The following RPTOR variants were observed in gnomAD, a reference collection of about 807,000 sequenced individuals.
The protein encoded by RPTOR is regulatory associated protein of MTOR complex 1, also known as regulatory-associated protein of mTOR.
In RPTOR, 21 loss-of-function variants were observed where a neutral mutation model predicts 169.9. The observed-to-expected ratio is 0.12, with a 90% CI of 0.09 to 0.18. The LOEUF (loss-of-function observed/expected upper bound fraction) is 0.18. Among genes scored for constraint, RPTOR ranks in the 10% least tolerant of loss-of-function variants. The pLI is 1.00. For missense variants in RPTOR, 1,133 were observed against 1,855.9 expected, an observed-to-expected ratio of 0.61 and a Z score of 7.16; for synonymous variants, 732 against 753.2, an observed-to-expected ratio of 0.97 and a Z score of 0.46.
chr17:80,821,636 G>T (rs2067379646), intron 7 of RPTOR, among the ~76,000 whole-genome samples: 1 of 152,148 alleles, frequency 6.6e-6, no homozygotes, highest in Non-Finnish European at 1.5e-5. Flanking sequence ...CACCTCTAAT[G>T]TGTGCTTGTT....
chr17:80,784,080 G>C (rs1055281825), intron 6 of RPTOR, among the ~76,000 whole-genome samples: 3 of 151,676 alleles, frequency 2.0e-5, no homozygotes, highest in African/African-American at 7.3e-5. Flanking sequence ...GAGCTCAAAC[G>C]ATCCTCCTGC....
rs267605090 is a variant in RPTOR, at chr17:80,957,691, C to T, written c.3438C>T (p.Ile1146=). The T allele has an allele frequency of 3.1e-6, 5 of 1,614,000 alleles. No homozygotes were observed. The highest frequency in any genetic ancestry group is 3.4e-6 in the Non-Finnish European group (4 of 1,180,036). The stretch of plus-strand genomic sequence containing the variant: ...TCATGAGCTCAGGAGACGTGCGGAT[C>T]GTCCGGATCTGGGACACAGACCGTG... ...GLLMSSGDVR[I]VRIWDTDREM... The change falls in exon 29 of 34, where the codon ATC becomes ATT. Residue 1146 remains isoleucine (I), a synonymous_variant. Coordinates refer to ENST00000306801, the MANE Select transcript of RPTOR (RefSeq NM_020761.3). This position sits in a 1 kb window ranked among gnomAD's most constrained non-coding sequence, Gnocchi z 4.6.
rs1433114683 is a variant in RPTOR, at chr17:80,965,203, T to C, written c.*873T>C. On this transcript the variant is annotated 3_prime_UTR_variant, in exon 34 of 34. Coordinates refer to ENST00000306801, the MANE Select transcript of RPTOR (RefSeq NM_020761.3). ...GCCCGACCTGTGGTCTCCATGCCTG[T>C]GCCCTCACACAGGTGTAGCACACGC... 4.3e-6 allele frequency: 1 copy of C among 233,202 alleles called. No homozygotes were observed. The highest frequency in any genetic ancestry group is 5.6e-5 in the Admixed American group (1 of 17,794). 14.4% of individuals were successfully genotyped at this position (233,202 alleles called of 1,614,324 possible). A position where few individuals can be genotyped will look rare whatever the true frequency, so the allele number is the denominator to read the frequency against.
intron 1 of RPTOR, among the ~76,000 whole-genome samples, chr17:80,604,794 C>G (rs2065216514): frequency 6.6e-6 from 1 of 152,170 alleles, no homozygotes; most frequent in Admixed American, 6.5e-5. Context: ...TATTCACCAT[C>G]ATGAGAACAG....
intron 3 of RPTOR, among the ~76,000 whole-genome samples, chr17:80,683,375 G>A (rs1055887077): frequency 1.3e-5 from 2 of 152,190 alleles, no homozygotes; most frequent in East Asian, 1.9e-4. Context: ...AGGTGCTGTC[G>A]GAGGTGCTGA....
chr17:80,831,521 CCTT>C (rs2067503028), intron 9 of RPTOR, among the ~76,000 whole-genome samples: 1 of 152,214 alleles, frequency 6.6e-6, no homozygotes, highest in Non-Finnish European at 1.5e-5. Context: ...AAACCCCAGG[CCTT>C]CTTAGATATG....
At chr17:80,658,387 T>C (rs749199393) in intron 3 of RPTOR, among the ~76,000 whole-genome samples, 20 of 152,230 alleles carry the variant, frequency 1.3e-4, no homozygotes, top group Non-Finnish European at 2.1e-4. Flanking sequence ...GAATTCTATG[T>C]CAACTTTTTT....
chr17:80,959,144 C>T lies in RPTOR; in HGVS notation c.3478-934C>T, dbSNP rs963513288. Among the ~76,000 whole-genome samples, 2 of 152,254 alleles carry T rather than the reference C, an allele frequency of 1.3e-5. No individual in the cohort carries two copies. Among genetic ancestry groups the T allele is most frequent in the Admixed American group, 1.3e-4 (2 of 15,288 alleles). ...AGCCCGAGAACCTGGCCCAGGCCTT[C>T]CCGTGTGGGCAGCCTCCCCTCTGAC... is the stretch of plus-strand genomic sequence containing the variant. On this transcript the variant is annotated intron_variant, in intron 29 of 33. Coordinates refer to ENST00000306801, the MANE Select transcript of RPTOR (RefSeq NM_020761.3). The surrounding 1 kb of genome is among the most constrained non-coding windows in gnomAD (Gnocchi z 6.7).
In RPTOR at chr17:80,964,293, A is replaced by G; in HGVS notation, c.3971A>G (p.Tyr1324Cys). 6.2e-7 allele frequency: 1 copy of G among 1,607,556 alleles called. No individual in the cohort carries two copies. Among genetic ancestry groups the G allele is most frequent in the Non-Finnish European group, 8.5e-7 (1 of 1,179,570 alleles). Reference sequence around the variant, plus strand: ...CTGGCCGTGGGAAGCAACGACTACTACATCTCCGTGTACTCGGTGGAGAAG... The same window carrying G: ...CTGGCCGTGGGAAGCAACGACTACTGCATCTCCGTGTACTCGGTGGAGAAG... ...PHLAVGSNDY[Y>C]ISVYSVEKRV... Residue 1324 changes from tyrosine (Y) to cysteine (C), a missense_variant, in exon 34 of 34, where the codon TAC becomes TGC. Physicochemically the swap from Tyr to Cys is radical, Grantham distance 194 (BLOSUM62 -2). Coordinates refer to ENST00000306801, the MANE Select transcript of RPTOR (RefSeq NM_020761.3).
chr17:80,961,587 C>G, intron 31 of RPTOR, 107 bp downstream of exon 31: 1 of 1,260,368 alleles, frequency 7.9e-7, no homozygotes, highest in South Asian at 1.4e-5. Context: ...GATGGCATTT[C>G]GGGCAGTAAT....
intron 1 of RPTOR, among the ~76,000 whole-genome samples, chr17:80,579,617 A>T (rs2064997562): frequency 6.6e-6 from 1 of 152,222 alleles, no homozygotes; most frequent in Non-Finnish European, 1.5e-5. Flanking sequence ...TCTCTCCCAG[A>T]GGCGGGAGCC....
At chr17:80,739,520 TAC>T (rs1257892163) in intron 5 of RPTOR, among the ~76,000 whole-genome samples, 1 of 152,162 alleles carries the variant, frequency 6.6e-6, no homozygotes, top group Non-Finnish European at 1.5e-5. Flanking sequence ...CAGCAGCCAA[TAC>T]ACACACTTTT....
At chr17:80,859,204 G>A (rs2067889771) in intron 13 of RPTOR, among the ~76,000 whole-genome samples, 1 of 152,210 alleles carries the variant, frequency 6.6e-6, no homozygotes, top group Non-Finnish European at 1.5e-5. Flanking sequence ...CTACCCAGTG[G>A]TGATGGCAGG....
intron 1 of RPTOR, chr17:80,602,831 G>T: frequency 1.6e-6 from 1 of 617,844 alleles, no homozygotes. Context: ...CTCCGTGGAC[G>T]CGCTGGTGAA....
At chr17:80,961,034 T>G in intron 30 of RPTOR, 3 of 305,966 alleles carry the variant, frequency 9.8e-6, no homozygotes, top group East Asian at 5.9e-5. Context: ...GGAGACACAA[T>G]GAGGAGTTTT....
intron 4 of RPTOR, among the ~76,000 whole-genome samples, chr17:80,709,811 G>A (rs999687556): frequency 2.6e-5 from 4 of 152,170 alleles, no homozygotes; most frequent in East Asian, 1.9e-4. Context: ...TGCTCAAAGC[G>A]CCTATCTGCT....
chr17:80,890,994 A>G (rs2068315641), intron 17 of RPTOR, among the ~76,000 whole-genome samples: 1 of 152,144 alleles, frequency 6.6e-6, no homozygotes, highest in African/African-American at 2.4e-5. Flanking sequence ...TTCAGAAAAA[A>G]AAAAGGCAGA....
chr17:80,930,440 G>T (rs867058144), intron 24 of RPTOR, among the ~76,000 whole-genome samples: 1 of 72,632 alleles, frequency 1.4e-5, no homozygotes, highest in African/African-American at 5.3e-5. Context: ...CTCATCCCCA[G>T]CTCATCCTCA....
intron 4 of RPTOR, among the ~76,000 whole-genome samples, chr17:80,729,178 C>T (rs2066367776): frequency 6.6e-6 from 1 of 152,234 alleles, no homozygotes. Flanking sequence ...CATACTTCCC[C>T]AGGCTTTGCT....
Sources: allele counts gnomAD v4.1 joint callset (sites outside exome capture counted in the v4.1 genomes callset), GRCh38; gene constraint gnomAD v4.1.1; non-coding constraint Gnocchi (gnomAD v3.1); transcripts MANE v1.5; gene names NCBI Gene and HGNC (gene_info 2026-07-23, HGNC 2026-07-21).